Variants in RBPJ observed in about 807,000 individuals in gnomAD.
RBPJ encodes recombining binding protein suppressor of hairless.
RBPJ carries 9 observed loss-of-function variants against 67.8 expected under a neutral mutation model. The observed-to-expected ratio is 0.13, with a 90% CI of 0.08 to 0.23. The LOEUF is 0.23. Among genes scored for constraint, RBPJ ranks in the 10% least tolerant of loss-of-function variants. The pLI is 1.00. For missense variants in RBPJ, 305 were observed against 595.6 expected, an observed-to-expected ratio of 0.51 and a Z score of 5.08; for synonymous variants, 198 against 203.3, an observed-to-expected ratio of 0.97 and a Z score of 0.22.
intron 1 of RBPJ, among the ~76,000 whole-genome samples, chr4:26,302,870 G>A (rs1722115671): frequency 6.6e-6 from 1 of 152,050 alleles, no homozygotes; most frequent in South Asian, 2.1e-4. Flanking sequence ...AAAGGCTGAG[G>A]AATCTTATCC....
chr4:26,359,402 A>G (rs1338923387), intron 1 of RBPJ, among the ~76,000 whole-genome samples: 2 of 148,708 alleles, frequency 1.3e-5, no homozygotes, highest in Non-Finnish European at 3.0e-5. Flanking sequence ...AATGACCATT[A>G]TAACACCTTC....
chr4:26,148,716 T>C, the RBPJ span, among the ~76,000 whole-genome samples: 1 of 152,234 alleles, frequency 6.6e-6, no homozygotes, highest in Non-Finnish European at 1.5e-5. Flanking sequence ...GAGAAGATTC[T>C]GTCAAAGACC....
upstream of RBPJ, among the ~76,000 whole-genome samples, chr4:26,315,327 TG>T (rs1722576876): frequency 6.6e-6 from 1 of 151,290 alleles, no homozygotes; most frequent in African/African-American, 2.4e-5. Flanking sequence ...ATTTTACAAC[TG>T]GGCCGCCGGG....
upstream of RBPJ, among the ~76,000 whole-genome samples, chr4:26,318,885 T>C (rs925606097): frequency 6.7e-6 from 1 of 149,684 alleles, no homozygotes; most frequent in African/African-American, 2.5e-5. Context: ...TAGTTCCAGC[T>C]ACTCAGGAGG....
intron 1 of RBPJ, among the ~76,000 whole-genome samples, chr4:26,239,135 A>G (rs1461295469): frequency 6.6e-6 from 1 of 152,140 alleles, no homozygotes; most frequent in African/African-American, 2.4e-5. Context: ...TCCCTCCTCA[A>G]GCCAGCCGGA....
At chr4:26,344,114 C>T (rs1725864528) in intron 1 of RBPJ, among the ~76,000 whole-genome samples, 1 of 152,138 alleles carries the variant, frequency 6.6e-6, no homozygotes, top group Non-Finnish European at 1.5e-5. Flanking sequence ...GAACTCCTGG[C>T]ATCAAGTGAT....
At chr4:26,244,481 G>T (rs1719855135) in intron 1 of RBPJ, among the ~76,000 whole-genome samples, 1 of 142,492 alleles carries the variant, frequency 7.0e-6, no homozygotes, top group Admixed American at 6.8e-5. Flanking sequence ...ATACATATGT[G>T]TGTATACATA....
In RBPJ at chr4:26,415,612, A is replaced by G. The variant is rs1242215402; in HGVS notation, c.293A>G (p.Glu98Gly). Residue 98 changes from glutamate (E) to glycine (G), a missense_variant, in exon 4 of 11, where the codon GAA becomes GGA. Around this residue, in one of 7 missense-constraint regions of RBPJ, gnomAD observed 79 missense variants for 106.2 expected, o/e 0.74. Coordinates refer to ENST00000355476, the MANE Select transcript of RBPJ (RefSeq NM_015874.6). ...AFIGIGNSDQ[E>G]MQQLNLEGKN... ...ATTGGGATAGGAAATAGTGACCAAG[A>G]AATGCAGCAGCTAAACTTGGAAGGA... 3 of 1,610,204 alleles carry G rather than the reference A, an allele frequency of 1.9e-6. No homozygotes were observed. The highest frequency in any genetic ancestry group is 2.2e-5 in the East Asian group (1 of 44,798).
intron 1 of RBPJ, among the ~76,000 whole-genome samples, chr4:26,214,868 A>G: frequency 8.1e-6 from 1 of 122,700 alleles, no homozygotes; most frequent in African/African-American, 3.0e-5. Context: ...GGAAAGAGAA[A>G]ATGAAAAAGA....
chr4:26,289,384 CAAAAA>C (rs60159669), intron 1 of RBPJ, among the ~76,000 whole-genome samples: 6,227 of 78,338 alleles, frequency 0.079, 473 homozygotes, highest in African/African-American at 0.28. Flanking sequence ...GACTTGGTCT[CAAAAA>C]AAAAAAAAAA....
chr4:26,246,060 C>T (rs913742830), intron 1 of RBPJ, among the ~76,000 whole-genome samples: 1 of 152,166 alleles, frequency 6.6e-6, no homozygotes, highest in Non-Finnish European at 1.5e-5. Context: ...CTTTCATTCC[C>T]ACATGAACTT....
chr4:26,407,031 A>G (rs780063653), intron 3 of RBPJ, among the ~76,000 whole-genome samples: 6 of 152,260 alleles, frequency 3.9e-5, no homozygotes, highest in Non-Finnish European at 8.8e-5. Flanking sequence ...AATAAAGGTC[A>G]TCTGGTTAAT....
At chr4:26,386,906 A>T (rs1005951719) in intron 2 of RBPJ, among the ~76,000 whole-genome samples, 8 of 152,208 alleles carry the variant, frequency 5.3e-5, no homozygotes, top group African/African-American at 1.9e-4. Flanking sequence ...ATTGTAAAAT[A>T]AAGAGACCTA....
rs557023146 is a variant in RBPJ, at chr4:26,255,694, C to T, written c.-167+92080C>T. On this transcript the variant is annotated intron_variant, in intron 1 of 4. Coordinates refer to the RBPJ transcript ENST00000512351. The stretch of plus-strand genomic sequence containing the variant: ...GCAGGTGCCTGTAGTCCCAGCTACG[C>T]GGGAGGCTGAGGCAGGACAATGGCG... 1.9e-3 allele frequency among the ~76,000 whole-genome samples: 290 copies of T among 149,062 alleles called. 1 individual carries two copies. Among genetic ancestry groups the T allele is most frequent in the Non-Finnish European group, 3.3e-3 (225 of 67,628 alleles).
the RBPJ span, among the ~76,000 whole-genome samples, chr4:26,125,641 A>G: frequency 6.6e-6 from 1 of 152,076 alleles, no homozygotes; most frequent in East Asian, 1.9e-4. Context: ...TCTACCAAAA[A>G]TACAAAAATT....
At chr4:26,400,289 A>G (rs1021380276) in intron 2 of RBPJ, among the ~76,000 whole-genome samples, 5 of 152,100 alleles carry the variant, frequency 3.3e-5, no homozygotes, top group African/African-American at 9.7e-5. Context: ...CCATCTGGAG[A>G]CATTTTTAGT....
At chr4:26,116,575 A>G in the RBPJ span, among the ~76,000 whole-genome samples, 11 of 152,222 alleles carry the variant, frequency 7.2e-5, no homozygotes, top group African/African-American at 1.4e-4. Flanking sequence ...TCCCCGGGAC[A>G]TGCCATGTTT....
intron 1 of RBPJ, among the ~76,000 whole-genome samples, chr4:26,349,272 A>T (rs976527400): frequency 6.6e-6 from 1 of 151,984 alleles, no homozygotes; most frequent in Non-Finnish European, 1.5e-5. Context: ...GTGTCTCGCT[A>T]TGTTGCCCAG....
chr4:26,282,456 C>T (rs185908086), intron 1 of RBPJ, among the ~76,000 whole-genome samples: 4 of 151,674 alleles, frequency 2.6e-5, no homozygotes, highest in Non-Finnish European at 4.4e-5. Flanking sequence ...ATTTCATATT[C>T]GAATAAAGAT....
Sources: allele counts gnomAD v4.1 joint callset (sites outside exome capture counted in the v4.1 genomes callset), GRCh38; gene constraint gnomAD v4.1.1; regional missense constraint gnomAD v4.1.1; transcripts MANE v1.5; gene names NCBI Gene and HGNC (gene_info 2026-07-23, HGNC 2026-07-21).